Variants in IL1RAPL1 observed in about 807,000 individuals in gnomAD.
IL1RAPL1 encodes interleukin 1 receptor accessory protein like 1.
In IL1RAPL1, 3 loss-of-function variants were observed where a neutral mutation model predicts 48.4. The ratio of observed to expected loss-of-function variants is 0.06; its 90% CI spans 0.03 to 0.16. IL1RAPL1 has a LOEUF of 0.16. Among genes scored for constraint, IL1RAPL1 ranks in the 10% least tolerant of loss-of-function variants. The probability of loss-of-function intolerance (pLI) is 1.00; values close to 1 mark genes in which losing one functional copy is unlikely to be tolerated. For synonymous variants in IL1RAPL1, 185 were observed against 187.7 expected (o/e 0.99, Z 0.12); for missense variants, 349 against 530.6 (o/e 0.66, Z 3.36).
chrX:29,376,632 C>T (rs1267162260), intron 3 of IL1RAPL1, among the ~76,000 whole-genome samples: 1 of 111,428 alleles, frequency 9.0e-6, no homozygotes, highest in Non-Finnish European at 1.9e-5. Flanking sequence ...TTTGGCCTCC[C>T]AAAATGCTAG....
Position 28,692,901 on chromosome X carries a change from A to G in IL1RAPL1, c.-24-96419A>G, listed in dbSNP as rs183765146. ...AATATTATTTAAATTGACAAATCAT[A>G]CTTGTATACCTTTATGGAGTACAGT... On this transcript the variant is annotated intron_variant, in intron 1 of 10. Coordinates refer to ENST00000378993, the MANE Select transcript of IL1RAPL1 (RefSeq NM_014271.4). 4.5e-5 allele frequency among the ~76,000 whole-genome samples: 5 copies of G among 111,663 alleles called. No individual in the cohort carries two copies. The Admixed American group carries it at 4.8e-4, about 11-fold the overall frequency.
At chrX:29,414,798 C>T (rs1313196544) in intron 5 of IL1RAPL1, among the ~76,000 whole-genome samples, 1 of 111,696 alleles carries the variant, frequency 9.0e-6, no homozygotes, top group Non-Finnish European at 1.9e-5. Context: ...AAGCTCAAAC[C>T]ATTATGTCGG....
intron 5 of IL1RAPL1, among the ~76,000 whole-genome samples, chrX:29,589,740 G>C (rs1024508587): frequency 3.6e-5 from 4 of 111,397 alleles, no homozygotes; most frequent in Non-Finnish European, 7.5e-5. Flanking sequence ...TGGCCTAAGA[G>C]ACTTTCAATA....
intron 6 of IL1RAPL1, among the ~76,000 whole-genome samples, chrX:29,681,953 A>T (rs779193156): frequency 9.0e-6 from 1 of 111,367 alleles, no homozygotes; most frequent in Non-Finnish European, 1.9e-5. Flanking sequence ...TAAAAATATT[A>T]TGTGTTTCCA....
intron 2 of IL1RAPL1, among the ~76,000 whole-genome samples, chrX:29,108,070 A>T (rs773500451): frequency 8.9e-6 from 1 of 112,109 alleles, no homozygotes; most frequent in African/African-American, 3.2e-5. Context: ...GGACCCCCAG[A>T]AACTCCCTTT....
chrX:29,160,852 G>A (rs1483149363), intron 2 of IL1RAPL1, among the ~76,000 whole-genome samples: 2 of 112,004 alleles, frequency 1.8e-5, no homozygotes, highest in Non-Finnish European at 1.9e-5. Flanking sequence ...TCAGGAGTTC[G>A]AGACCAGCCT....
At chrX:29,222,015 C>CAAA (rs761229753) in intron 2 of IL1RAPL1, among the ~76,000 whole-genome samples, 10,094 of 65,048 alleles carry the variant, frequency 0.16, 926 homozygotes, top group East Asian at 0.31. Flanking sequence ...GAGATTCCGT[C>CAAA]AAAAAAAAAA....
At chrX:29,258,339 A>AT (rs776675187) in intron 2 of IL1RAPL1, among the ~76,000 whole-genome samples, 3 of 111,744 alleles carry the variant, frequency 2.7e-5, no homozygotes, top group Non-Finnish European at 5.7e-5. Context: ...ACTTGAACTA[A>AT]TTTTCACGTC....
chrX:29,116,832 A>G (rs1163815512), intron 2 of IL1RAPL1, among the ~76,000 whole-genome samples: 2 of 111,910 alleles, frequency 1.8e-5, no homozygotes, highest in Non-Finnish European at 3.8e-5. Flanking sequence ...AAAATGTTCA[A>G]ATTTTGAAAG....
chrX:29,385,445 C>T (rs1933763593), intron 3 of IL1RAPL1, among the ~76,000 whole-genome samples: 1 of 112,018 alleles, frequency 8.9e-6, no homozygotes, highest in African/African-American at 3.2e-5. Context: ...CAGAGCGAGA[C>T]TCCGTCTCAA....
chrX:29,493,000 C>G (rs1047939150), intron 5 of IL1RAPL1, among the ~76,000 whole-genome samples: 4 of 111,751 alleles, frequency 3.6e-5, no homozygotes, highest in Non-Finnish European at 7.5e-5. Context: ...CTTGTTTTTC[C>G]TTTCATTTAT....
intron 3 of IL1RAPL1, among the ~76,000 whole-genome samples, chrX:29,377,582 A>G (rs1933640287): frequency 8.9e-6 from 1 of 112,209 alleles, no homozygotes; most frequent in Non-Finnish European, 1.9e-5. Context: ...GCATTTGCTC[A>G]TCTAAGAAAG....
intron 2 of IL1RAPL1, among the ~76,000 whole-genome samples, chrX:29,258,211 TA>T (rs892913154): frequency 9.1e-5 from 10 of 109,877 alleles, no homozygotes; most frequent in East Asian, 5.7e-4. Context: ...GTTGTCGCTT[TA>T]AAAAAAAATG....
chrX:29,250,521 A>G (rs1931586936), intron 2 of IL1RAPL1, among the ~76,000 whole-genome samples: 1 of 111,668 alleles, frequency 9.0e-6, no homozygotes, highest in African/African-American at 3.2e-5. Context: ...CCCAAAGTGG[A>G]GAATGATTGC....
chrX:29,530,726 G>A (rs773505921), intron 5 of IL1RAPL1, among the ~76,000 whole-genome samples: 9 of 112,193 alleles, frequency 8.0e-5, no homozygotes, highest in African/African-American at 2.3e-4. Context: ...TGCTGCTTTG[G>A]TGAGGCAGAA....
intron 2 of IL1RAPL1, among the ~76,000 whole-genome samples, chrX:29,193,022 T>C (rs1239456909): frequency 9.0e-6 from 1 of 111,111 alleles, no homozygotes; most frequent in East Asian, 2.8e-4. Flanking sequence ...GTGTTCTATA[T>C]TTACATTATA....
intron 1 of IL1RAPL1, among the ~76,000 whole-genome samples, chrX:28,733,151 C>T (rs1307477892): frequency 9.2e-6 from 1 of 108,333 alleles, no homozygotes; most frequent in Non-Finnish European, 1.9e-5. Context: ...TATATATATA[C>T]ATACTTAGGA....
chrX:29,671,447 G>A lies in IL1RAPL1; in HGVS notation c.778+2943G>A, dbSNP rs192770527. On this transcript the variant is annotated intron_variant, in intron 6 of 10. Coordinates refer to ENST00000378993, the MANE Select transcript of IL1RAPL1 (RefSeq NM_014271.4). ...ATTCATATAAAATATGTAAATTGTC[G>A]GCTTTGAATTTGAATCAATACGTGG... Among the ~76,000 whole-genome samples, 6 of 111,902 alleles carry A rather than the reference G, an allele frequency of 5.4e-5. No homozygotes were observed. The East Asian group carries it at 1.1e-3, about 21-fold the overall frequency.
chrX:28,961,501 G>A (rs1326376501), intron 2 of IL1RAPL1, among the ~76,000 whole-genome samples: 1 of 110,463 alleles, frequency 9.1e-6, no homozygotes, highest in Non-Finnish European at 1.9e-5. Context: ...CCACCCCTTG[G>A]TCCCCACCAC....
Sources: gnomAD v4.1 joint callset for allele counts (sites outside exome capture counted in the v4.1 genomes callset) on GRCh38, gnomAD v4.1.1 for gene constraint, MANE v1.5 for transcripts, NCBI Gene and HGNC (gene_info 2026-07-23, HGNC 2026-07-21) for gene names.